Variants in DMRT1 observed in about 807,000 individuals in gnomAD.
The protein encoded by DMRT1 is doublesex and mab-3 related transcription factor 1, also known as doublesex- and mab-3-related transcription factor 1.
Under a neutral mutation model 32.3 loss-of-function variants are expected in DMRT1, and 7 were observed. The observed-to-expected ratio is 0.22, with a 90% CI of 0.12 to 0.41. DMRT1 has a LOEUF of 0.41. DMRT1 is among the 10% of genes least tolerant of loss of function. The probability of loss-of-function intolerance (pLI) is 1.00; values close to 1 mark genes in which losing one functional copy is unlikely to be tolerated. For missense variants in DMRT1, 625 were observed against 500.5 expected, an observed-to-expected ratio of 1.25 and a Z score of -2.37; for synonymous variants, 278 against 206.1, an observed-to-expected ratio of 1.35 and a Z score of -2.99.
At chr9:854,935 T>G (rs186210714) in intron 2 of DMRT1, among the ~76,000 whole-genome samples, 29 of 110,186 alleles carry the variant, frequency 2.6e-4, no homozygotes, top group Middle Eastern at 9.3e-3. Flanking sequence ...CAGGCTAATT[T>G]TTTTTGTATT....
intron 2 of DMRT1, among the ~76,000 whole-genome samples, chr9:851,002 C>T (rs1839122113): frequency 7.5e-6 from 1 of 132,820 alleles, no homozygotes; most frequent in Non-Finnish European, 1.5e-5. Context: ...GCACTCCGGC[C>T]TGGGCGACAG....
chr9:899,212 T>C (rs1161318016), intron 3 of DMRT1, among the ~76,000 whole-genome samples: 1 of 152,150 alleles, frequency 6.6e-6, no homozygotes, highest in Non-Finnish European at 1.5e-5. Flanking sequence ...AAACAATTTG[T>C]ATTAAAACCA....
At chr9:874,160 T>A (rs1278127675) in intron 2 of DMRT1, among the ~76,000 whole-genome samples, 2 of 152,256 alleles carry the variant, frequency 1.3e-5, no homozygotes, top group Non-Finnish European at 1.5e-5. Flanking sequence ...TGTGTATGAT[T>A]CTCTTTGAAG....
intron 4 of DMRT1, among the ~76,000 whole-genome samples, chr9:921,119 A>T (rs1416509038): frequency 2.6e-5 from 4 of 152,112 alleles, no homozygotes; most frequent in African/African-American, 9.7e-5. Context: ...CCTCTATCTG[A>T]TTGCAAGGCA....
chr9:918,368 C>T (rs1431557816), intron 4 of DMRT1, among the ~76,000 whole-genome samples: 1 of 152,140 alleles, frequency 6.6e-6, no homozygotes, highest in Admixed American at 6.5e-5. Flanking sequence ...CACTGGCGTT[C>T]TTGAGACAAA....
intron 3 of DMRT1, among the ~76,000 whole-genome samples, chr9:898,277 G>A (rs1370366363): frequency 6.6e-6 from 1 of 152,038 alleles, no homozygotes; most frequent in Non-Finnish European, 1.5e-5. Flanking sequence ...GTGCCACCAC[G>A]CCCGGCTAAT....
At chr9:866,514 C>G (rs935066745) in intron 2 of DMRT1, among the ~76,000 whole-genome samples, 6 of 80,368 alleles carry the variant, frequency 7.5e-5, no homozygotes, top group Non-Finnish European at 1.4e-4. Flanking sequence ...CAGAAGTTTT[C>G]CTTCTTGAAA....
At chr9:903,623 G>A (rs1311033761) in intron 3 of DMRT1, among the ~76,000 whole-genome samples, 2 of 152,230 alleles carry the variant, frequency 1.3e-5, no homozygotes, top group East Asian at 3.8e-4. Flanking sequence ...TTTAGCCGCT[G>A]AGCCCAGACA....
intron 2 of DMRT1, among the ~76,000 whole-genome samples, chr9:858,028 G>T (rs917598161): frequency 6.6e-6 from 1 of 151,938 alleles, no homozygotes; most frequent in Non-Finnish European, 1.5e-5. Flanking sequence ...GTCTATTATT[G>T]TTGTACATTT....
chr9:914,020 C>G (rs1390508552), intron 3 of DMRT1, among the ~76,000 whole-genome samples: 1 of 152,190 alleles, frequency 6.6e-6, no homozygotes, highest in Non-Finnish European at 1.5e-5. Context: ...GTCTTACCAT[C>G]AGGACCTGCA....
intron 2 of DMRT1, among the ~76,000 whole-genome samples, chr9:870,614 T>C (rs930499517): frequency 6.6e-6 from 1 of 151,998 alleles, no homozygotes; most frequent in Middle Eastern, 3.4e-3. Flanking sequence ...ACTTTTCTGG[T>C]CTCTGTTGGG....
chr9:847,101 T>A lies in DMRT1; in HGVS notation c.496T>A (p.Ser166Thr). 2 of 1,613,612 alleles carry A rather than the reference T, an allele frequency of 1.2e-6. No homozygotes were observed. The highest frequency in any genetic ancestry group is 2.2e-5 in the South Asian group (2 of 91,054). The change falls in exon 2 of 5, where the codon TCT (serine) becomes ACT (threonine). Residue 166 changes from serine to threonine, a missense_variant. Coordinates refer to ENST00000382276, the MANE Select transcript of DMRT1 (RefSeq NM_021951.3). ...PCLMTECSGT[S>T]QPPPASVPTT... ...CCTCATGACTGAGTGCAGTGGCACC[T>A]CTCAGCCACCGCCGGCCAGTGTCCC...
intron 3 of DMRT1, among the ~76,000 whole-genome samples, chr9:903,135 G>A (rs1817651015): frequency 6.6e-6 from 1 of 152,080 alleles, no homozygotes. Context: ...TTCCTCATTA[G>A]GTTCCTCTCT....
intron 4 of DMRT1, among the ~76,000 whole-genome samples, chr9:927,175 C>A (rs896077717): frequency 6.6e-5 from 10 of 152,340 alleles, no homozygotes; most frequent in African/African-American, 2.4e-4. Context: ...AGGCCAAGTA[C>A]AACTTGAATA....
In DMRT1 at chr9:914,458, C is replaced by T. The variant is rs975714382; in HGVS notation, c.823-2305C>T. 1.1e-4 allele frequency among the ~76,000 whole-genome samples: 17 copies of T among 150,812 alleles called. No individual in the cohort carries two copies. The South Asian group carries it at 3.4e-3, about 30-fold the overall frequency. On this transcript the variant is annotated intron_variant, in intron 3 of 4. Coordinates refer to ENST00000382276, the MANE Select transcript of DMRT1 (RefSeq NM_021951.3). ...GCATGGTGGCGGGCGCCTGTAGTCC[C>T]AGCTACTCGGGAGGCTGAGGCAGGA...
chr9:924,731 T>G (rs1231476558), intron 4 of DMRT1, among the ~76,000 whole-genome samples: 3 of 152,230 alleles, frequency 2.0e-5, no homozygotes, highest in African/African-American at 7.2e-5. Flanking sequence ...AAGATGTATT[T>G]TTTAATATAT....
intron 1 of DMRT1, among the ~76,000 whole-genome samples, chr9:844,061 G>C (rs963764333): frequency 2.0e-5 from 3 of 152,282 alleles, no homozygotes; most frequent in South Asian, 2.1e-4. Flanking sequence ...GGCTTATTTA[G>C]TGTGGAGAAC....
intron 3 of DMRT1, 124 bp from the exon 4 acceptor site, chr9:916,639 C>CGG: frequency 8.2e-7 from 1 of 1,214,076 alleles, no homozygotes; most frequent in South Asian, 1.3e-5. Context: ...CCCAAGGTGT[C>CGG]GGGAACATAG....
intron 4 of DMRT1, among the ~76,000 whole-genome samples, chr9:926,656 G>T (rs1818533650): frequency 6.7e-6 from 1 of 150,232 alleles, no homozygotes. Context: ...TTTCATTTTG[G>T]CTAAAGATTG....
Sources: allele counts gnomAD v4.1 joint callset (sites outside exome capture counted in the v4.1 genomes callset), GRCh38; gene constraint gnomAD v4.1.1; transcripts MANE v1.5; gene names NCBI Gene and HGNC (gene_info 2026-07-23, HGNC 2026-07-21).